The following CYP2F1 variants were observed in gnomAD, a reference collection of about 807,000 sequenced individuals.
CYP2F1 encodes cytochrome P450 2F1.
In CYP2F1, 33 loss-of-function variants were observed where a neutral mutation model predicts 40.4. The ratio of observed to expected loss-of-function variants is 0.82; its 90% confidence interval spans 0.62 to 1.09. CYP2F1 has a LOEUF of 1.09. CYP2F1 is among the 50% of genes least tolerant of loss of function. CYP2F1 has a pLI of 0.00. For synonymous variants in CYP2F1, 235 were observed against 277.2 expected (o/e 0.85, Z 1.51); for missense variants, 566 against 655.7 (o/e 0.86, Z 1.49).
intron 8 of CYP2F1, 58 bp from the exon 9 acceptor site, chr19:41,125,432 AAGG>A: frequency 1.1e-6 from 1 of 890,966 alleles, no homozygotes; most frequent in Non-Finnish European, 1.7e-6. Flanking sequence ...ATACAATGGA[AAGG>A]AGTTTGGGAG....
At chr19:41,116,118 G>A (rs2031779367) in intron 1 of CYP2F1, 60 bp from the exon 2 acceptor site, 1 of 1,435,156 alleles carries the variant, frequency 7.0e-7, no homozygotes, top group Non-Finnish European at 9.4e-7. Flanking sequence ...AAGTCCCAGG[G>A]GAGATGGAAA....
chr19:41,123,326 C>A, intron 7 of CYP2F1: 1 of 381,810 alleles, frequency 2.6e-6, no homozygotes. Flanking sequence ...CTCAGCCTCC[C>A]AAGTAGCTGG....
intron 9 of CYP2F1, among the ~76,000 whole-genome samples, chr19:41,127,698 C>T (rs776759985): frequency 9.2e-5 from 14 of 152,260 alleles, no homozygotes; most frequent in Middle Eastern, 6.8e-3. Context: ...CTAGTAGTGA[C>T]AGGGCCAGGA....
intron 6 of CYP2F1, 42 bp downstream of exon 6, chr19:41,122,175 A>C: frequency 6.6e-7 from 1 of 1,507,942 alleles, no homozygotes. Context: ...CTGACCTGAA[A>C]TTCTCCTGCT....
At chr19:41,120,235 G>A (rs1336055326) in intron 3 of CYP2F1, 112 bp from the exon 4 acceptor site, 3 of 1,100,568 alleles carry the variant, frequency 2.7e-6, no homozygotes, top group African/African-American at 1.6e-5. Context: ...GAAGGAGCCA[G>A]GGAGATTCCA....
intron 6 of CYP2F1, among the ~76,000 whole-genome samples, chr19:41,122,532 ACATACATACATACAT>A (rs1439575936): frequency 6.8e-6 from 1 of 146,990 alleles, no homozygotes; most frequent in Non-Finnish European, 1.5e-5. Flanking sequence ...ACACATACAC[ACATACATACATACAT>A]CATACATACA....
At chr19:41,124,650 C>T in intron 7 of CYP2F1, 69 bp from the exon 8 acceptor site, 1 of 1,425,878 alleles carries the variant, frequency 7.0e-7, no homozygotes, top group Non-Finnish European at 9.6e-7. Context: ...ACGCACACAC[C>T]TCTTATCAGC....
At position 41,124,865 on chromosome 19, in the gene CYP2F1, G is replaced by C. The variant is rs367923974; in HGVS notation, c.1111G>C (p.Val371Leu). The change falls in exon 8 of 10, where the codon GTC (valine) becomes CTC (leucine). Residue 371 changes from valine to leucine, a missense_variant. Physicochemically the swap from Val to Leu is conservative, Grantham distance 32 (BLOSUM62 1). This residue lies in a region of CYP2F1 where 128 missense variants were observed against 121.0 expected (regional missense o/e 1.06). Transcript: ENST00000331105. Reference sequence around the variant, plus strand: ...CATCCCCATGAACTTGCCGCACCGCGTCACTAGGGACACGGCCTTTCGCGG... The same window carrying C: ...CATCCCCATGAACTTGCCGCACCGCCTCACTAGGGACACGGCCTTTCGCGG... The part of the protein sequence containing the change: ...DIIPMNLPHR[V>L]TRDTAFRGFL... The C allele has an allele frequency of 1.2e-6, 2 of 1,610,686 alleles. No individual in the cohort carries two copies. Among genetic ancestry groups the C allele is most frequent in the Non-Finnish European group, 1.7e-6 (2 of 1,179,652 alleles).
intron 6 of CYP2F1, 134 bp from the exon 7 acceptor site, chr19:41,122,688 C>T: frequency 4.4e-6 from 4 of 902,168 alleles, no homozygotes; most frequent in African/African-American, 1.7e-5. Flanking sequence ...CTGCCCTTCT[C>T]CGTTCCCCAG....
chr19:41,124,256 T>TCC (rs1555720804), intron 7 of CYP2F1, among the ~76,000 whole-genome samples: 478 of 16,438 alleles, frequency 0.029, 39 homozygotes, highest in African/African-American at 0.091. Context: ...CCCCCCCCCC[T>TCC]TTTTTTTTTT....
chr19:41,128,010 C>G lies in CYP2F1; in HGVS notation c.1404C>G (p.Ile468Met), dbSNP rs762734930. The stretch of plus-strand genomic sequence containing the variant: ...AGCCGCTGGGTGCGCCCGAGGACAT[C>G]GACCTGACCCCACTCAGCTCAGGTC... Reference protein sequence around the residue: ...SLQPLGAPEDIDLTPLSSGLG... With the variant: ...SLQPLGAPEDMDLTPLSSGLG... Residue 468 changes from isoleucine to methionine, a missense_variant, in exon 10 of 10, where the codon ATC becomes ATG. By Grantham distance (10) the Ile-to-Met change is conservative. Coordinates refer to ENST00000331105, the MANE Select transcript of CYP2F1 (RefSeq NM_000774.5). 5 of 1,613,254 alleles carry G rather than the reference C, an allele frequency of 3.1e-6. No individual in the cohort carries two copies.
Position 41,128,013 on chromosome 19 carries a change from C to T in CYP2F1, c.1407C>T (p.Asp469=). The T allele has an allele frequency of 6.2e-7, 1 of 1,613,232 alleles. No individual in the cohort carries two copies. The highest frequency in any genetic ancestry group is 8.5e-7 in the Non-Finnish European group (1 of 1,180,010). ...LQPLGAPEDI[D]LTPLSSGLGN... ...CGCTGGGTGCGCCCGAGGACATCGA[C>T]CTGACCCCACTCAGCTCAGGTCTTG... is the stretch of plus-strand genomic sequence containing the variant. Residue 469 remains aspartate (D), a synonymous_variant, in exon 10 of 10, where the codon GAC becomes GAT. Transcript: ENST00000331105.
At chr19:41,123,783 C>G (rs904535120) in intron 7 of CYP2F1, among the ~76,000 whole-genome samples, 11 of 152,178 alleles carry the variant, frequency 7.2e-5, no homozygotes, top group Non-Finnish European at 1.6e-4. Context: ...CTTGGCCTCC[C>G]AAAGTGCTGG....
Position 41,124,756 on chromosome 19 carries a change from C to G in CYP2F1, c.1002C>G (p.Arg334=). 2 of 1,606,202 alleles carry G rather than the reference C, an allele frequency of 1.2e-6. No homozygotes were observed. The highest frequency in any genetic ancestry group is 8.5e-7 in the Non-Finnish European group (1 of 1,179,384). Reference sequence around the variant, plus strand: ...AGGAGATCGACCTCGTGGTGGGACGCGCGCGGCTGCCGGCGCTGAAGGACC... The same window carrying G: ...AGGAGATCGACCTCGTGGTGGGACGGGCGCGGCTGCCGGCGCTGAAGGACC... ...VQEEIDLVVG[R]ARLPALKDRA... The change falls in exon 8 of 10, where the codon CGC becomes CGG. Residue 334 remains arginine, a synonymous_variant. Coordinates refer to ENST00000331105, the MANE Select transcript of CYP2F1 (RefSeq NM_000774.5).
At chr19:41,117,413 A>C (rs305970) in intron 3 of CYP2F1, among the ~76,000 whole-genome samples, 39,342 of 151,930 alleles carry the variant, frequency 0.26, 5,314 homozygotes, top group African/African-American at 0.32. Flanking sequence ...ATTACAGGCA[A>C]GAGCCACTGC....
At chr19:41,124,259 T>TCCC (rs1488390905) in intron 7 of CYP2F1, among the ~76,000 whole-genome samples, 5 of 85,928 alleles carry the variant, frequency 5.8e-5, no homozygotes, top group South Asian at 5.6e-4. Context: ...CCCCCCCTTT[T>TCCC]TTTTTTTTTT....
chr19:41,122,069 A>G lies in CYP2F1; in HGVS notation c.758A>G (p.Gln253Arg). 1 of 1,605,922 alleles carries G rather than the reference A, an allele frequency of 6.2e-7. No homozygotes were observed. Among genetic ancestry groups the G allele is most frequent in the Non-Finnish European group, 8.5e-7 (1 of 1,175,150 alleles). ...ATCGCCCACAGCGTCCACGACCACC[A>G]GGCCTCGCTAGACCCCAGATCTCCC... is the stretch of plus-strand genomic sequence containing the variant. ...DLIAHSVHDHQASLDPRSPRD... is the reference protein window; with the variant it reads ...DLIAHSVHDHRASLDPRSPRD... The change falls in exon 6 of 10, where the codon CAG becomes CGG. Residue 253 changes from glutamine (Q) to arginine (R), a missense_variant. Coordinates refer to ENST00000331105, the MANE Select transcript of CYP2F1 (RefSeq NM_000774.5).
At chr19:41,115,244 G>A (rs2031724797) in intron 1 of CYP2F1, among the ~76,000 whole-genome samples, 1 of 151,822 alleles carries the variant, frequency 6.6e-6, no homozygotes, top group Admixed American at 6.6e-5. Context: ...GTCTAGCTCT[G>A]TCTCTCCCTC....
chr19:41,121,436 C>A, intron 4 of CYP2F1, 22 bp from the exon 5 acceptor site: 1 of 1,602,372 alleles, frequency 6.2e-7, no homozygotes. Flanking sequence ...TCTTCCTGAT[C>A]CATTGCACTC....
Sources: gnomAD v4.1 joint callset for allele counts (sites outside exome capture counted in the v4.1 genomes callset) on GRCh38, gnomAD v4.1.1 for gene constraint, gnomAD v4.1.1 regional missense constraint, MANE v1.5 for transcripts, NCBI Gene and HGNC (gene_info 2026-07-23, HGNC 2026-07-21) for gene names.